Variants in MYLK observed in about 807,000 individuals in gnomAD.
The protein encoded by MYLK is myosin light chain kinase, smooth muscle.
In MYLK, 106 loss-of-function variants were observed where a neutral mutation model predicts 203.4. That is an observed-to-expected ratio of 0.52 (90% CI 0.45 to 0.61). The LOEUF (loss-of-function observed/expected upper bound fraction) is 0.61, where lower values mean the gene tolerates loss of function less well. Ranked by LOEUF, MYLK falls within the 20% of genes least tolerant of loss-of-function variation. The pLI is 0.00. For synonymous variants in MYLK, 867 were observed against 959.5 expected, an observed-to-expected ratio of 0.90 and a Z score of 1.78; for missense variants, 2,072 against 2,442.3, an observed-to-expected ratio of 0.85 and a Z score of 3.20.
chr3:123,807,763 T>G (rs1444338714), intron 3 of MYLK, among the ~76,000 whole-genome samples: 1 of 152,204 alleles, frequency 6.6e-6, no homozygotes, highest in Non-Finnish European at 1.5e-5. Context: ...TTGTTCCCAT[T>G]CAAAGGCCAG....
chr3:123,667,101 A>G (rs1384689866), intron 21 of MYLK, 36 bp downstream of exon 21: 2 of 1,607,316 alleles, frequency 1.2e-6, no homozygotes, highest in Non-Finnish European at 1.7e-6. Flanking sequence ...ATGGTAGATG[A>G]CTTCTTTGAC....
At position 123,648,544 on chromosome 3, in the gene MYLK, T is replaced by G. The variant is rs1276561416; in HGVS notation, c.4415+427A>C. 1.3e-5 allele frequency among the ~76,000 whole-genome samples: 2 copies of G among 152,194 alleles called. No homozygotes were observed. The highest frequency in any genetic ancestry group is 4.8e-5 in the African/African-American group (2 of 41,422). ...TGTGTACGTTACGTAGGTAAACGTG[T>G]GCCATGGTGGTTTGCTGCACCTAAC... On this transcript the variant is annotated intron_variant, in intron 26 of 33. Coordinates refer to ENST00000360304, the MANE Select transcript of MYLK (RefSeq NM_053025.4). This position sits in a 1 kb window ranked among gnomAD's most constrained non-coding sequence, Gnocchi z 4.5.
chr3:123,717,259 G>A lies in MYLK; in HGVS notation c.1804+4869C>T, dbSNP rs539642071. Among the ~76,000 whole-genome samples the A allele has an allele frequency of 7.2e-5, 11 of 152,316 alleles. No individual in the cohort carries two copies. In the South Asian group the frequency reaches 8.3e-4, roughly 11 times the overall value. On this transcript the variant is annotated intron_variant, in intron 13 of 33. Transcript: ENST00000360304. Reference sequence around the variant, plus strand: ...AAAGGAGGTGGCTCCAGGCTGCCCCGCAGAGTGCCTGGTATTAATCTGAAA... The same window carrying A: ...AAAGGAGGTGGCTCCAGGCTGCCCCACAGAGTGCCTGGTATTAATCTGAAA...
intron 2 of MYLK, among the ~76,000 whole-genome samples, chr3:123,837,277 C>T (rs1339633988): frequency 6.6e-6 from 1 of 151,946 alleles, no homozygotes; most frequent in Non-Finnish European, 1.5e-5. Flanking sequence ...GGTGATCCAC[C>T]CCCTTGGCCT....
intron 4 of MYLK, among the ~76,000 whole-genome samples, chr3:123,773,485 TAAAAC>T (rs922708405): frequency 6.6e-6 from 1 of 152,136 alleles, no homozygotes; most frequent in African/African-American, 2.4e-5. Context: ...AGAAAGTAAA[TAAAAC>T]AAGAGACTGG....
At chr3:123,839,157 A>G (rs531893406) in intron 2 of MYLK, among the ~76,000 whole-genome samples, 4 of 152,162 alleles carry the variant, frequency 2.6e-5, no homozygotes, top group African/African-American at 9.6e-5. Flanking sequence ...AAGAGGATAA[A>G]AGGGACAAGA....
chr3:123,628,943 C>G (rs820448), intron 30 of MYLK, among the ~76,000 whole-genome samples: 50,999 of 152,112 alleles, frequency 0.34, 11,933 homozygotes, highest in African/African-American at 0.63. Context: ...GATGTTAGAA[C>G]GTACCTGGCT....
intron 20 of MYLK, among the ~76,000 whole-genome samples, chr3:123,676,775 T>C (rs2108414881): frequency 6.6e-6 from 1 of 152,352 alleles, no homozygotes; most frequent in South Asian, 2.1e-4. Flanking sequence ...ATAAACCTAC[T>C]GAGAGACCAG....
chr3:123,649,125 C>A (rs2059121835), intron 25 of MYLK, 37 bp downstream of exon 25: 2 of 1,613,958 alleles, frequency 1.2e-6, no homozygotes, highest in Non-Finnish European at 1.7e-6. Flanking sequence ...CCCCCTCCAC[C>A]CCAAGAGCCT....
intron 3 of MYLK, among the ~76,000 whole-genome samples, chr3:123,798,044 C>T (rs959205892): frequency 1.3e-5 from 2 of 152,162 alleles, no homozygotes; most frequent in African/African-American, 4.8e-5. Context: ...GGCCCATGGG[C>T]AGCTTCCCGC....
chr3:123,795,255 G>C (rs1029015473), intron 3 of MYLK, among the ~76,000 whole-genome samples: 4 of 152,058 alleles, frequency 2.6e-5, no homozygotes, highest in Non-Finnish European at 5.9e-5. Context: ...TAAGAAATTT[G>C]ATTTTCAAAT....
chr3:123,832,873 T>C lies in MYLK; in HGVS notation c.-126-1203A>G, dbSNP rs546329244. Among the ~76,000 whole-genome samples, 5 of 152,278 alleles carry C rather than the reference T, an allele frequency of 3.3e-5. No homozygotes were observed. In the East Asian group the frequency reaches 9.7e-4, roughly 29 times the overall value. ...AGGTATTTTGTCATAGCAGCACAGA[T>C]AGACTAAGACAGCATTTCAGCAGGG... is the stretch of plus-strand genomic sequence containing the variant. On this transcript the variant is annotated intron_variant, in intron 2 of 33. Coordinates refer to ENST00000360304, the MANE Select transcript of MYLK (RefSeq NM_053025.4).
intron 9 of MYLK, 93 bp downstream of exon 9, chr3:123,735,305 T>G: frequency 6.5e-7 from 1 of 1,529,156 alleles, no homozygotes; most frequent in South Asian, 1.1e-5. Flanking sequence ...TTCTGCCCCA[T>G]AAGATGATTC....
chr3:123,880,970 G>A (rs997205808), intron 1 of MYLK, among the ~76,000 whole-genome samples: 2 of 152,222 alleles, frequency 1.3e-5, no homozygotes, highest in African/African-American at 2.4e-5. Context: ...TTGAGTTTGT[G>A]AGGGGAATGC....
chr3:123,705,095 C>G (rs2061409781), intron 16 of MYLK, among the ~76,000 whole-genome samples: 2 of 152,108 alleles, frequency 1.3e-5, no homozygotes, highest in Admixed American at 6.5e-5. Flanking sequence ...ACAATCCTAG[C>G]AGGGACAGGC....
Position 123,653,986 on chromosome 3 carries a change from TTGTGTGTGTGTGTGTG to T in MYLK, c.4288+3124_4288+3139del, listed in dbSNP as rs752791805. Among the ~76,000 whole-genome samples the T allele has an allele frequency of 3.6e-5, 5 of 137,648 alleles. No homozygotes were observed. The South Asian group carries it at 7.5e-4, about 21-fold the overall frequency. The allele number at this position is 137,648 out of a possible 152,430, so 90.3% of individuals were successfully genotyped here. A position where few individuals can be genotyped will look rare whatever the true frequency, so the allele number is the denominator to read the frequency against. On this transcript the variant is annotated intron_variant, in intron 24 of 33. Coordinates refer to ENST00000360304, the MANE Select transcript of MYLK (RefSeq NM_053025.4). ...CCACTCTGCTCATTTCAGAGGGATG[TTGTGTGTGTGTGTGTG>T]TGTGTGTGTGTGTGTGTGTGTGTGT... is the stretch of plus-strand genomic sequence containing the variant.
chr3:123,878,013 C>G (rs1241506231), intron 1 of MYLK, among the ~76,000 whole-genome samples: 1 of 152,176 alleles, frequency 6.6e-6, no homozygotes, highest in Non-Finnish European at 1.5e-5. Context: ...GAGTGGCACA[C>G]AGCAAATCCC....
chr3:123,614,079 A>G lies in MYLK; in HGVS notation c.*26T>C, dbSNP rs371978918. ...AGAAATAGTCCTTTTAATATGACTT[A>G]GAAACTGCTTTTCTCTGGCTTTGTT... On this transcript the variant is annotated 3_prime_UTR_variant, in exon 34 of 34. Transcript: ENST00000360304. The G allele has an allele frequency of 5.0e-6, 8 of 1,596,570 alleles. No individual in the cohort carries two copies. The African/African-American group carries it at 9.8e-5, about 20-fold the overall frequency.
intron 23 of MYLK, among the ~76,000 whole-genome samples, chr3:123,662,629 A>T (rs1433198209): frequency 6.6e-6 from 1 of 152,210 alleles, no homozygotes; most frequent in Non-Finnish European, 1.5e-5. Context: ...ATACTTCCAT[A>T]AGAGAGATTC....
Sources: allele counts gnomAD v4.1 joint callset (sites outside exome capture counted in the v4.1 genomes callset), GRCh38; gene constraint gnomAD v4.1.1; non-coding constraint Gnocchi (gnomAD v3.1); transcripts MANE v1.5; gene names NCBI Gene and HGNC (gene_info 2026-07-23, HGNC 2026-07-21).